Variants in BTG4 observed in about 807,000 individuals in gnomAD.
BTG4 encodes the protein protein BTG4.
BTG4 carries 10 observed loss-of-function variants against 19.3 expected under a neutral mutation model. That is an observed-to-expected ratio of 0.52 (90% CI 0.32 to 0.88). The LOEUF (loss-of-function observed/expected upper bound fraction) is 0.88. BTG4 is among the 40% of genes least tolerant of loss of function. The probability of loss-of-function intolerance (pLI) is 0.04; values close to 1 mark genes in which losing one functional copy is unlikely to be tolerated. For synonymous variants in BTG4, 91 were observed against 95.7 expected (o/e 0.95, Z 0.29); for missense variants, 238 against 281.9 (o/e 0.84, Z 1.11).
chr11:111,407,508 TAAA>T, the BTG4 span, among the ~76,000 whole-genome samples: 1 of 152,020 alleles, frequency 6.6e-6, no homozygotes, highest in Admixed American at 6.6e-5. Flanking sequence ...CCGTCTCTAC[TAAA>T]AGTACAAAAA....
chr11:111,470,694 A>G (rs1294792851), intron 5 of BTG4, among the ~76,000 whole-genome samples: 1 of 152,166 alleles, frequency 6.6e-6, no homozygotes, highest in Non-Finnish European at 1.5e-5. Context: ...AGGCAGAAAG[A>G]TCACTTGAGC....
At chr11:111,387,289 A>C in the BTG4 span, among the ~76,000 whole-genome samples, 1 of 152,206 alleles carries the variant, frequency 6.6e-6, no homozygotes, top group Non-Finnish European at 1.5e-5. Context: ...TCATCTTCTC[A>C]AGTTCCCAGA....
intron 3 of BTG4, 34 bp from the exon 4 acceptor site, chr11:111,497,443 C>T (rs1865807757): frequency 1.2e-5 from 16 of 1,297,848 alleles, no homozygotes; most frequent in South Asian, 2.3e-5. Flanking sequence ...TGCTAATTAG[C>T]GATTCAACTT....
chr11:111,458,968 A>G, the BTG4 span, among the ~76,000 whole-genome samples: 1 of 152,190 alleles, frequency 6.6e-6, no homozygotes, highest in East Asian at 1.9e-4. Flanking sequence ...CTGGCCGGGC[A>G]CGGTGGCTCA....
chr11:111,477,716 G>A (rs1591466019), intron 5 of BTG4, among the ~76,000 whole-genome samples: 1 of 152,052 alleles, frequency 6.6e-6, no homozygotes, highest in Non-Finnish European at 1.5e-5. Context: ...TGGAAATAAA[G>A]AAGCCAGCAA....
At chr11:111,416,994 A>T in the BTG4 span, 3 of 152,214 alleles carry the variant, frequency 2.0e-5, no homozygotes, top group Non-Finnish European at 4.4e-5. Context: ...CCCAGAAGCT[A>T]TTAAGGTTGT....
chr11:111,500,780 A>G lies in BTG4; in HGVS notation c.-26-1978T>C, dbSNP rs4536265. On this transcript the variant is annotated intron_variant, in intron 1 of 4. Coordinates refer to ENST00000692032, the MANE Select transcript of BTG4 (RefSeq NM_001367975.1). Reference sequence around the variant, plus strand: ...CTCCCTCTGAATACTGTATTCCAGAACACAACCTCAGGTGGCTTTTACCTT... The same window carrying G: ...CTCCCTCTGAATACTGTATTCCAGAGCACAACCTCAGGTGGCTTTTACCTT... 2.6e-3 allele frequency among the ~76,000 whole-genome samples: 390 copies of G among 152,244 alleles called. 3 individuals carry two copies. Among genetic ancestry groups the G allele is most frequent in the African/African-American group, 9.0e-3 (375 of 41,548 alleles).
chr11:111,443,827 G>A, the BTG4 span, among the ~76,000 whole-genome samples: 1 of 152,204 alleles, frequency 6.6e-6, no homozygotes, highest in African/African-American at 2.4e-5. Context: ...GTGGTCTTTA[G>A]GTATGGGCAT....
chr11:111,452,359 G>A, the BTG4 span: 34,505 of 152,282 alleles, frequency 0.23, 4,110 homozygotes, highest in African/African-American at 0.27. Flanking sequence ...CTTGTGGCCA[G>A]TCTCTGGCAG....
At chr11:111,492,182 C>A (rs1865459976), downstream of BTG4, among the ~76,000 whole-genome samples, 1 of 152,184 alleles carries the variant, frequency 6.6e-6, no homozygotes, top group Non-Finnish European at 1.5e-5. Context: ...CAGTGTCCAT[C>A]AGCAGCATGG....
At chr11:111,442,285 G>A in the BTG4 span, among the ~76,000 whole-genome samples, 1 of 151,264 alleles carries the variant, frequency 6.6e-6, no homozygotes, top group African/African-American at 2.4e-5. Flanking sequence ...TGGATCACTT[G>A]AGGTCAGGAG....
intron 5 of BTG4, among the ~76,000 whole-genome samples, chr11:111,471,847 C>T (rs1189395976): frequency 6.6e-6 from 1 of 152,212 alleles, no homozygotes; most frequent in Non-Finnish European, 1.5e-5. Flanking sequence ...TCAAAACCTT[C>T]CCCCATCTCA....
At chr11:111,410,183 C>G in the BTG4 span, among the ~76,000 whole-genome samples, 3 of 148,864 alleles carry the variant, frequency 2.0e-5, no homozygotes, top group Non-Finnish European at 4.5e-5. Flanking sequence ...TTCTGAAACT[C>G]TTTTTTTTTT....
chr11:111,461,966 T>C, the BTG4 span: 2 of 152,848 alleles, frequency 1.3e-5, no homozygotes, highest in African/African-American at 4.8e-5. Context: ...GAGGAGCAGC[T>C]ACTGGAACAG....
the BTG4 span, among the ~76,000 whole-genome samples, chr11:111,403,308 A>G: frequency 6.6e-6 from 1 of 152,342 alleles, no homozygotes. Flanking sequence ...TCCCAACCTC[A>G]AACACTTCTG....
chr11:111,471,924 AC>A (rs1181271471), intron 5 of BTG4, among the ~76,000 whole-genome samples: 12 of 152,164 alleles, frequency 7.9e-5, no homozygotes, highest in Admixed American at 6.5e-4. Flanking sequence ...TGTTACACAC[AC>A]CCACAACCAA....
chr11:111,484,741 C>A (rs965781096), intron 5 of BTG4, among the ~76,000 whole-genome samples: 1 of 151,996 alleles, frequency 6.6e-6, no homozygotes, highest in Non-Finnish European at 1.5e-5. Context: ...AACAAAACAA[C>A]CAGAAAACAA....
At chr11:111,475,780 C>T (rs182993783) in intron 5 of BTG4, among the ~76,000 whole-genome samples, 48 of 152,284 alleles carry the variant, frequency 3.2e-4, no homozygotes, top group African/African-American at 1.1e-3. Flanking sequence ...TAAAGACATG[C>T]TTCAGACTGG....
chr11:111,412,263 G>C, the BTG4 span, among the ~76,000 whole-genome samples: 2 of 152,330 alleles, frequency 1.3e-5, no homozygotes, highest in South Asian at 4.1e-4. Flanking sequence ...TGGTTCAAAG[G>C]CACAGAGGTG....
Sources: allele counts gnomAD v4.1 joint callset (sites outside exome capture counted in the v4.1 genomes callset), GRCh38; gene constraint gnomAD v4.1.1; transcripts MANE v1.5; gene names NCBI Gene and HGNC (gene_info 2026-07-23, HGNC 2026-07-21).